MARCHF5: variants seen among roughly 807,000 people sequenced by gnomAD.
MARCHF5 encodes the protein membrane associated ring-CH-type finger 5, also known as E3 ubiquitin-protein ligase MARCHF5.
In MARCHF5, 5 loss-of-function variants were observed where a neutral mutation model predicts 36.5. The observed-to-expected ratio is 0.14, with a 90% CI of 0.07 to 0.29. The LOEUF is 0.29. Among genes scored for constraint, MARCHF5 ranks in the 10% least tolerant of loss-of-function variants. The pLI, the probability that MARCHF5 is intolerant of heterozygous loss-of-function variation, is 1.00. For missense variants in MARCHF5, 179 were observed against 336.3 expected, an observed-to-expected ratio of 0.53 and a Z score of 3.66; for synonymous variants, 103 against 109.9, an observed-to-expected ratio of 0.94 and a Z score of 0.39.
intron 1 of MARCHF5, among the ~76,000 whole-genome samples, chr10:92,302,152 T>G (rs1377236263): frequency 2.0e-5 from 3 of 152,248 alleles, no homozygotes; most frequent in African/African-American, 7.2e-5. Flanking sequence ...TCCCTCCATG[T>G]TCAGTACAGA....
intron 3 of MARCHF5, among the ~76,000 whole-genome samples, chr10:92,342,387 AT>A (rs1843591308): frequency 6.6e-6 from 1 of 151,970 alleles, no homozygotes; most frequent in African/African-American, 2.4e-5. Context: ...GCCTCAAGTG[AT>A]CCTCCCACCT....
At chr10:92,337,887 T>TAC (rs1434660740) in intron 2 of MARCHF5, among the ~76,000 whole-genome samples, 1 of 151,496 alleles carries the variant, frequency 6.6e-6, no homozygotes, top group African/African-American at 2.4e-5. Context: ...ATTAAAAAAT[T>TAC]ACCAGGCCAG....
At chr10:92,318,578 C>A (rs1376098839) in intron 2 of MARCHF5, among the ~76,000 whole-genome samples, 1 of 151,568 alleles carries the variant, frequency 6.6e-6, no homozygotes, top group Non-Finnish European at 1.5e-5. Flanking sequence ...AGAAAATTAG[C>A]CAGGTATGGT....
chr10:92,345,819 T>G (rs988284516), intron 3 of MARCHF5, among the ~76,000 whole-genome samples: 3 of 150,910 alleles, frequency 2.0e-5, no homozygotes, highest in Non-Finnish European at 4.4e-5. Flanking sequence ...CTCAGCCTCC[T>G]GCACAGCTGG....
chr10:92,333,751 C>A (rs1843467703), intron 2 of MARCHF5: 1 of 585,466 alleles, frequency 1.7e-6, no homozygotes, highest in Non-Finnish European at 2.2e-6. Flanking sequence ...CAGATTTAAT[C>A]AAAGTAAGGA....
At chr10:92,330,198 A>G (rs1212851470) in intron 2 of MARCHF5, among the ~76,000 whole-genome samples, 1 of 152,168 alleles carries the variant, frequency 6.6e-6, no homozygotes. Context: ...GCAAATGACT[A>G]GGATACCTTC....
At chr10:92,317,291 G>T (rs1476428979) in intron 2 of MARCHF5, among the ~76,000 whole-genome samples, 2 of 152,096 alleles carry the variant, frequency 1.3e-5, no homozygotes, top group Non-Finnish European at 2.9e-5. Context: ...TAGAGACAGG[G>T]TTTCACCACG....
Position 92,353,389 on chromosome 10 carries a change from A to G in MARCHF5, c.*2182A>G, listed in dbSNP as rs921385877. On this transcript the variant is annotated 3_prime_UTR_variant, in exon 6 of 6. Coordinates refer to ENST00000358935, the MANE Select transcript of MARCHF5 (RefSeq NM_017824.5). ...CTGTATGTATGATTTTGGCTAAAGG[A>G]TTTGACTTTCTCTCAACTGCAGTTT... 2 of 152,186 alleles carry G rather than the reference A, an allele frequency of 1.3e-5. No individual in the cohort carries two copies. Among genetic ancestry groups the G allele is most frequent in the Non-Finnish European group, 1.5e-5 (1 of 68,040 alleles). 9.4% of individuals were successfully genotyped at this position (152,186 alleles called of 1,614,324 possible). A position where few individuals can be genotyped will look rare whatever the true frequency, so the allele number is the denominator to read the frequency against.
At chr10:92,294,184 A>G (rs935824104) in intron 1 of MARCHF5, among the ~76,000 whole-genome samples, 2 of 152,234 alleles carry the variant, frequency 1.3e-5, no homozygotes, top group African/African-American at 4.8e-5. Context: ...AAGAGATAGT[A>G]GGGTATAGTG....
chr10:92,351,270 C>A lies in MARCHF5; in HGVS notation c.*63C>A. 1 of 1,027,472 alleles carries A rather than the reference C, an allele frequency of 9.7e-7. No homozygotes were observed. The highest frequency in any genetic ancestry group is 1.5e-6 in the Non-Finnish European group (1 of 666,480). The allele number at this position is 1,027,472 out of a possible 1,614,324, so 63.6% of individuals were successfully genotyped here. A position where few individuals can be genotyped will look rare whatever the true frequency, so the allele number is the denominator to read the frequency against. On this transcript the variant is annotated 3_prime_UTR_variant, in exon 6 of 6. Transcript: ENST00000358935. ...ATGAATCTGTTGTGTTGTTTTGATT[C>A]CATCATTAATGCACTTGTGGAGACT... is the stretch of plus-strand genomic sequence containing the variant.
chr10:92,331,227 A>G (rs1843432502), intron 2 of MARCHF5, among the ~76,000 whole-genome samples: 1 of 152,058 alleles, frequency 6.6e-6, no homozygotes, highest in Admixed American at 6.6e-5. Flanking sequence ...TTTTTCAGCA[A>G]AGTTTTTCAC....
At chr10:92,331,889 GTATA>G (rs1564950979) in intron 2 of MARCHF5, among the ~76,000 whole-genome samples, 2 of 31,540 alleles carry the variant, frequency 6.3e-5, no homozygotes, top group South Asian at 1.2e-3. Flanking sequence ...TCATATATAT[GTATA>G]TATAATCATA....
chr10:92,313,101 G>C (rs750122088), intron 2 of MARCHF5, among the ~76,000 whole-genome samples: 4 of 152,136 alleles, frequency 2.6e-5, no homozygotes, highest in Non-Finnish European at 4.4e-5. Context: ...GGACATGGTG[G>C]CGTGTGCCTG....
chr10:92,315,233 C>A (rs1370818733), intron 2 of MARCHF5, among the ~76,000 whole-genome samples: 1 of 152,220 alleles, frequency 6.6e-6, no homozygotes, highest in African/African-American at 2.4e-5. Context: ...CTAGTGGCTT[C>A]ATGCAGCCAT....
intron 1 of MARCHF5, among the ~76,000 whole-genome samples, chr10:92,306,908 G>A (rs1430841079): frequency 6.6e-6 from 1 of 152,168 alleles, no homozygotes; most frequent in Non-Finnish European, 1.5e-5. Context: ...CAGTTACTAG[G>A]GAGGCTGAGG....
chr10:92,299,524 A>G (rs190162993), intron 1 of MARCHF5, among the ~76,000 whole-genome samples: 2 of 152,308 alleles, frequency 1.3e-5, no homozygotes, highest in East Asian at 3.9e-4. Context: ...CAGCTGAAAT[A>G]CCACAGTGAC....
At chr10:92,326,966 C>T (rs1843368538) in intron 2 of MARCHF5, among the ~76,000 whole-genome samples, 1 of 152,002 alleles carries the variant, frequency 6.6e-6, no homozygotes, top group Non-Finnish European at 1.5e-5. Context: ...TTATAACTAT[C>T]GTTATAAATT....
chr10:92,328,963 A>G (rs1398025168), intron 2 of MARCHF5, among the ~76,000 whole-genome samples: 1 of 152,042 alleles, frequency 6.6e-6, no homozygotes, highest in Non-Finnish European at 1.5e-5. Context: ...TGATCCATTC[A>G]GTAAAGTTGC....
intron 2 of MARCHF5, among the ~76,000 whole-genome samples, chr10:92,321,687 G>A (rs1174284104): frequency 6.6e-6 from 1 of 151,892 alleles, no homozygotes; most frequent in Non-Finnish European, 1.5e-5. Context: ...TTTTCTTCAT[G>A]GAAAATGTTT....
Sources: allele counts gnomAD v4.1 joint callset (sites outside exome capture counted in the v4.1 genomes callset), GRCh38; gene constraint gnomAD v4.1.1; transcripts MANE v1.5; gene names NCBI Gene and HGNC (gene_info 2026-07-23, HGNC 2026-07-21).